The following ROBO2 variants were observed in gnomAD, a reference collection of about 807,000 sequenced individuals.
ROBO2 encodes roundabout guidance receptor 2.
A neutral mutation model predicts 160.8 loss-of-function variants in ROBO2; 53 were observed. That is an observed-to-expected ratio of 0.33 (90% CI 0.26 to 0.41). The LOEUF (loss-of-function observed/expected upper bound fraction) is 0.41, where lower values mean the gene tolerates loss of function less well. Ranked by LOEUF, ROBO2 falls within the 10% of genes least tolerant of loss-of-function variation. The pLI is 1.00. For synonymous variants in ROBO2, 664 were observed against 611.7 expected, an observed-to-expected ratio of 1.09 and a Z score of -1.26; for missense variants, 1,577 against 1,722.4, an observed-to-expected ratio of 0.92 and a Z score of 1.49.
intron 2 of ROBO2, among the ~76,000 whole-genome samples, chr3:77,233,828 G>T (rs931451309): frequency 2.0e-5 from 3 of 152,048 alleles, no homozygotes; most frequent in Non-Finnish European, 2.9e-5. Context: ...TAAATGAAAT[G>T]AAATTTATTT....
chr3:77,053,136 A>G (rs935069384), intron 1 of ROBO2, among the ~76,000 whole-genome samples: 3 of 152,184 alleles, frequency 2.0e-5, no homozygotes, highest in Non-Finnish European at 2.9e-5. Context: ...AAACTTGTCA[A>G]CCATCTGAGT....
intron 2 of ROBO2, among the ~76,000 whole-genome samples, chr3:76,038,537 C>T (rs1008870015): frequency 2.6e-5 from 4 of 151,920 alleles, no homozygotes; most frequent in Non-Finnish European, 5.9e-5. Context: ...ACAGTCTACC[C>T]GTTCCAACTA....
intron 2 of ROBO2, among the ~76,000 whole-genome samples, chr3:76,280,557 C>T (rs1344760290): frequency 6.6e-6 from 1 of 151,976 alleles, no homozygotes; most frequent in Non-Finnish European, 1.5e-5. Context: ...GTTGTTGAAG[C>T]CACATGCAGT....
exon 26 of ROBO2, chr3:77,648,014 G>T (rs183377310): frequency 6.6e-6 from 1 of 152,024 alleles, no homozygotes; most frequent in African/African-American, 2.4e-5. Flanking sequence ...TTATTTCTTC[G>T]CTGAAGAGAA....
chr3:77,147,682 G>T (rs544219941), intron 2 of ROBO2, among the ~76,000 whole-genome samples: 2 of 152,150 alleles, frequency 1.3e-5, no homozygotes, highest in African/African-American at 4.8e-5. Context: ...TATCAAGATA[G>T]AATTTTATTA....
intron 2 of ROBO2, among the ~76,000 whole-genome samples, chr3:77,247,409 C>T (rs1476303843): frequency 6.6e-6 from 1 of 152,066 alleles, no homozygotes; most frequent in African/African-American, 2.4e-5. Context: ...GGCTGTTCCG[C>T]AAGGACATTA....
chr3:77,315,193 G>A (rs1439708024), intron 2 of ROBO2, among the ~76,000 whole-genome samples: 1 of 152,020 alleles, frequency 6.6e-6, no homozygotes, highest in African/African-American at 2.4e-5. Context: ...CTACACAAAG[G>A]TCTTATTTGC....
intron 2 of ROBO2, among the ~76,000 whole-genome samples, chr3:76,524,854 A>AAAAAAAAAAAAAAAAAAAAAAAAAC (rs2081853753): frequency 7.0e-6 from 1 of 143,160 alleles, no homozygotes; most frequent in African/African-American, 2.7e-5. Context: ...AAAAAAAAAA[A>AAAAAAAAAAAAAAAAAAAAAAAAAC]AAAAAAAAAA....
intron 2 of ROBO2, among the ~76,000 whole-genome samples, chr3:76,746,966 T>A (rs2093903879): frequency 6.6e-6 from 1 of 152,132 alleles, no homozygotes; most frequent in Non-Finnish European, 1.5e-5. Flanking sequence ...TCCATGTCCC[T>A]GCAAACAACG....
At chr3:77,459,399 G>A (rs1458670776) in intron 2 of ROBO2, among the ~76,000 whole-genome samples, 1 of 152,110 alleles carries the variant, frequency 6.6e-6, no homozygotes, top group African/African-American at 2.4e-5. Context: ...ATTGAAATTC[G>A]TTATTCATCT....
At chr3:76,189,830 A>T (rs1406470288) in intron 2 of ROBO2, among the ~76,000 whole-genome samples, 4 of 152,014 alleles carry the variant, frequency 2.6e-5, no homozygotes, top group Non-Finnish European at 5.9e-5. Context: ...ACACAAAGGG[A>T]TAGGTGTGTT....
intron 4 of ROBO2, among the ~76,000 whole-genome samples, chr3:77,482,662 G>A (rs1400131343): frequency 6.6e-6 from 1 of 152,112 alleles, no homozygotes; most frequent in Non-Finnish European, 1.5e-5. Context: ...GTGTCAGTTT[G>A]CCCCTACATT....
chr3:77,136,016 A>C (rs1477779304), intron 2 of ROBO2, among the ~76,000 whole-genome samples: 2 of 152,222 alleles, frequency 1.3e-5, no homozygotes, highest in Non-Finnish European at 2.9e-5. Flanking sequence ...GGTATCTGAA[A>C]GGGATTTTAT....
intron 2 of ROBO2, among the ~76,000 whole-genome samples, chr3:77,259,993 G>A (rs1389060355): frequency 5.3e-5 from 8 of 152,126 alleles, no homozygotes; most frequent in Admixed American, 2.0e-4. Context: ...ACTACCTGTG[G>A]GACACGCTGA....
intron 2 of ROBO2, among the ~76,000 whole-genome samples, chr3:76,601,687 T>G (rs1304568724): frequency 6.6e-6 from 1 of 152,184 alleles, no homozygotes; most frequent in Non-Finnish European, 1.5e-5. Context: ...CTCCTAGGCC[T>G]CCAGGCCTGT....
intron 2 of ROBO2, among the ~76,000 whole-genome samples, chr3:76,588,406 A>G (rs1448851492): frequency 6.6e-6 from 1 of 152,240 alleles, no homozygotes; most frequent in Non-Finnish European, 1.5e-5. Flanking sequence ...TGTTCACATT[A>G]GTATACTTGT....
chr3:75,935,873 A>C lies in ROBO2; in HGVS notation c.-13-1608A>C, dbSNP rs552748658. 2.0e-5 allele frequency among the ~76,000 whole-genome samples: 3 copies of C among 152,276 alleles called. No homozygotes were observed. In the East Asian group the frequency reaches 5.8e-4, roughly 30 times the overall value. ...ATCGTCCTGTTTTGTCTCAGTCTCCACAAGAGTACCCATAACCTGATGACT... is the reference window on the plus strand; with the variant it reads ...ATCGTCCTGTTTTGTCTCAGTCTCCCCAAGAGTACCCATAACCTGATGACT... On this transcript the variant is annotated intron_variant, in intron 1 of 26. Coordinates refer to the ROBO2 transcript ENST00000487694.
chr3:77,074,512 A>G (rs2067745313), intron 1 of ROBO2, among the ~76,000 whole-genome samples: 1 of 152,190 alleles, frequency 6.6e-6, no homozygotes, highest in African/African-American at 2.4e-5. Flanking sequence ...TAGGGAATCT[A>G]TTAGTTCACC....
intron 2 of ROBO2, among the ~76,000 whole-genome samples, chr3:77,100,544 A>C (rs1301456990): frequency 6.6e-6 from 1 of 151,544 alleles, no homozygotes; most frequent in Non-Finnish European, 1.5e-5. Context: ...ACAACTTCAG[A>C]TTATGTTAAA....
Sources: allele counts gnomAD v4.1 joint callset (sites outside exome capture counted in the v4.1 genomes callset), GRCh38; gene constraint gnomAD v4.1.1; transcripts MANE v1.5; gene names NCBI Gene and HGNC (gene_info 2026-07-23, HGNC 2026-07-21).